Variants in MAPK8IP3 observed in about 807,000 individuals in gnomAD.
MAPK8IP3 encodes C-Jun-amino-terminal kinase-interacting protein 3.
In MAPK8IP3, 49 loss-of-function variants were observed where a neutral mutation model predicts 157.8. That is an observed-to-expected ratio of 0.31 (90% CI 0.25 to 0.39). The LOEUF (loss-of-function observed/expected upper bound fraction) is 0.39. Among genes scored for constraint, MAPK8IP3 ranks in the 10% least tolerant of loss-of-function variants. The pLI, the probability that MAPK8IP3 is intolerant of heterozygous loss-of-function variation, is 1.00. For synonymous variants in MAPK8IP3, 897 were observed against 777.7 expected, an observed-to-expected ratio of 1.15 and a Z score of -2.55; for missense variants, 1,478 against 1,889.4, an observed-to-expected ratio of 0.78 and a Z score of 4.04.
intron 13 of MAPK8IP3, 70 bp from the exon 14 acceptor site, chr16:1,762,281 A>G (rs2041997537): frequency 3.4e-6 from 5 of 1,492,514 alleles, no homozygotes; most frequent in Non-Finnish European, 4.5e-6. Flanking sequence ...ACGTGTAGGC[A>G]CCCCAGGAGG....
At chr16:1,717,961 C>T (rs931849306) in intron 1 of MAPK8IP3, among the ~76,000 whole-genome samples, 1 of 152,040 alleles carries the variant, frequency 6.6e-6, no homozygotes. Flanking sequence ...CTGCCATTCT[C>T]CTGCCTCAGC....
chr16:1,712,663 C>G (rs991825450), intron 1 of MAPK8IP3, among the ~76,000 whole-genome samples: 1 of 152,206 alleles, frequency 6.6e-6, no homozygotes, highest in Non-Finnish European at 1.5e-5. Context: ...GGTGGCCCCC[C>G]ACTGGGCCCA....
chr16:1,706,716 C>A lies in MAPK8IP3; in HGVS notation c.318+59C>A. On this transcript the variant is annotated intron_variant, in intron 1 of 31. Coordinates refer to ENST00000610761, the MANE Select transcript of MAPK8IP3 (RefSeq NM_001318852.2). The surrounding 1 kb of genome is among the most constrained non-coding windows in gnomAD (Gnocchi z 5.1). ...TCCCGGACCCCCAGCCAGCCCCGGG[C>A]CCCGGACCCAACACCCGTCCCGACC... is the stretch of plus-strand genomic sequence containing the variant. 1 of 1,468,398 alleles carries A rather than the reference C, an allele frequency of 6.8e-7. No individual in the cohort carries two copies. Among genetic ancestry groups the A allele is most frequent in the Non-Finnish European group, 9.0e-7 (1 of 1,107,864 alleles). 91.0% of individuals were successfully genotyped at this position (1,468,398 alleles called of 1,614,324 possible).
In MAPK8IP3 at chr16:1,720,998, A is replaced by T. The variant is rs185989587; in HGVS notation, c.319-3559A>T. ...GCAGTGAGCTGAGTCATGTCATTGC[A>T]CTCCAACCTAGGCAACAAGAGCAAA... On this transcript the variant is annotated intron_variant, in intron 1 of 31. Coordinates refer to ENST00000610761, the MANE Select transcript of MAPK8IP3 (RefSeq NM_001318852.2). 3.5e-5 allele frequency among the ~76,000 whole-genome samples: 5 copies of T among 144,294 alleles called. No individual in the cohort carries two copies. The East Asian group carries it at 8.2e-4, about 24-fold the overall frequency. 94.7% of individuals were successfully genotyped at this position (144,294 alleles called of 152,430 possible).
At chr16:1,715,625 C>T (rs914010799) in intron 1 of MAPK8IP3, among the ~76,000 whole-genome samples, 3 of 152,130 alleles carry the variant, frequency 2.0e-5, no homozygotes, top group Non-Finnish European at 1.5e-5. Flanking sequence ...TGCACAAGAA[C>T]GAGATCTTTG....
chr16:1,738,045 AC>A (rs1173661277), intron 4 of MAPK8IP3, among the ~76,000 whole-genome samples: 1 of 70,784 alleles, frequency 1.4e-5, no homozygotes, highest in Non-Finnish European at 2.6e-5. Flanking sequence ...TGAGCGTGTG[AC>A]CGTCCGTGTG....
At chr16:1,713,100 G>A (rs1194376094) in intron 1 of MAPK8IP3, among the ~76,000 whole-genome samples, 1 of 152,224 alleles carries the variant, frequency 6.6e-6, no homozygotes, top group Non-Finnish European at 1.5e-5. Flanking sequence ...GAAGGTCAAG[G>A]ACTGTCTCTT....
intron 6 of MAPK8IP3, 97 bp downstream of exon 6, chr16:1,747,372 G>T: frequency 1.3e-6 from 2 of 1,501,258 alleles, no homozygotes; most frequent in Non-Finnish European, 1.8e-6. Flanking sequence ...GGCAGTGCAG[G>T]CAGCAGAGAC....
chr16:1,706,290 C>G lies in MAPK8IP3; in HGVS notation c.-50C>G, dbSNP rs2037380002. 6.7e-7 allele frequency: 1 copy of G among 1,481,564 alleles called. No homozygotes were observed. The highest frequency in any genetic ancestry group is 9.0e-7 in the Non-Finnish European group (1 of 1,115,854). The allele number at this position is 1,481,564 out of a possible 1,614,324, so 91.8% of individuals were successfully genotyped here. ...GGAACCTGAGGCAGCTGGGGAGGGC[C>G]GGGCGCGCCGGCCGGATAGCGAGCC... On this transcript the variant is annotated 5_prime_UTR_variant, in exon 1 of 32. Transcript: ENST00000610761. The surrounding 1 kb of genome is among the most constrained non-coding windows in gnomAD (Gnocchi z 5.1).
At chr16:1,714,367 G>C (rs2142286620) in intron 1 of MAPK8IP3, among the ~76,000 whole-genome samples, 1 of 152,332 alleles carries the variant, frequency 6.6e-6, no homozygotes, top group Admixed American at 6.5e-5. Flanking sequence ...GACCCTTAGA[G>C]CCCACAGCAT....
rs1329237761 is a variant in MAPK8IP3 at position 1,738,115 on chromosome 16, CGT to C, written c.603-5213_603-5212del. 1.5e-4 allele frequency among the ~76,000 whole-genome samples: 11 copies of C among 71,330 alleles called. 1 individual carries two copies. The highest frequency in any genetic ancestry group is 5.7e-4 in the African/African-American group (8 of 14,078). 46.8% of individuals were successfully genotyped at this position (71,330 alleles called of 152,430 possible). ...CCATGTGAGCATCCATGTGACCGTC[CGT>C]GTGAGCGTGACTGTCCGTGTGTGTG... On this transcript the variant is annotated intron_variant, in intron 4 of 31. Coordinates refer to ENST00000610761, the MANE Select transcript of MAPK8IP3 (RefSeq NM_001318852.2).
chr16:1,747,684 C>T (rs545274474), intron 6 of MAPK8IP3, among the ~76,000 whole-genome samples: 19 of 152,338 alleles, frequency 1.2e-4, no homozygotes, highest in African/African-American at 4.6e-4. Flanking sequence ...AGGCAGTAGC[C>T]TGCGTCACCC....
At chr16:1,752,872 C>T (rs1035508789) in intron 8 of MAPK8IP3, among the ~76,000 whole-genome samples, 16 of 152,154 alleles carry the variant, frequency 1.1e-4, no homozygotes, top group Admixed American at 3.3e-4. Context: ...TGCTCTCTGG[C>T]AACCAGGATG....
chr16:1,740,931 G>A (rs746735774), intron 4 of MAPK8IP3, among the ~76,000 whole-genome samples: 2 of 152,216 alleles, frequency 1.3e-5, no homozygotes, highest in African/African-American at 2.4e-5. Context: ...ATGCAGCTGG[G>A]CAGCGCCGTC....
chr16:1,725,148 G>GTTT (rs1457145244), intron 2 of MAPK8IP3, among the ~76,000 whole-genome samples: 6 of 123,160 alleles, frequency 4.9e-5, no homozygotes, highest in South Asian at 5.3e-4. Context: ...AGCAGAAAGG[G>GTTT]TTTATTATTA....
In MAPK8IP3 at chr16:1,733,122, C is replaced by T. The variant is rs545876412; in HGVS notation, c.602+3544C>T. ...TGTTGTTTTTCAGGGGAGCTGGGGG[C>T]AGAGGCAGGCAGTTTGGCCATCCCC... On this transcript the variant is annotated intron_variant, in intron 4 of 31. Coordinates refer to ENST00000610761, the MANE Select transcript of MAPK8IP3 (RefSeq NM_001318852.2). Among the ~76,000 whole-genome samples the T allele has an allele frequency of 4.6e-5, 7 of 152,278 alleles. No homozygotes were observed. The South Asian group carries it at 1.4e-3, about 32-fold the overall frequency.
chr16:1,750,858 C>T (rs2041248317), intron 8 of MAPK8IP3, among the ~76,000 whole-genome samples: 1 of 152,024 alleles, frequency 6.6e-6, no homozygotes, highest in African/African-American at 2.4e-5. Flanking sequence ...GTTGGTCAGG[C>T]TGGTTTTGAT....
intron 4 of MAPK8IP3, among the ~76,000 whole-genome samples, chr16:1,736,582 GCGTGTGACCATCCATGTGAGCATC>G: frequency 3.8e-5 from 3 of 79,386 alleles, no homozygotes; most frequent in Non-Finnish European, 7.6e-5. Context: ...GTCCGTGTGA[GCGTGTGACCATCCATGTGAGCATC>G]CGTGTGACCG....
In MAPK8IP3 at chr16:1,760,229, T is replaced by A. The variant is rs1341026760; in HGVS notation, c.1305-151T>A. On this transcript the variant is annotated intron_variant, in intron 11 of 31. Coordinates refer to ENST00000610761, the MANE Select transcript of MAPK8IP3 (RefSeq NM_001318852.2). ...CCTCTAACAAGGGTGCTATAGGGTT[T>A]AGCTAAGATGGGGATGGGGTCTCCC... is the stretch of plus-strand genomic sequence containing the variant. 4 of 1,077,932 alleles carry A rather than the reference T, an allele frequency of 3.7e-6. No homozygotes were observed. The African/African-American group carries it at 6.3e-5, about 17-fold the overall frequency. 66.8% of individuals were successfully genotyped at this position (1,077,932 alleles called of 1,614,324 possible). A position where few individuals can be genotyped will look rare whatever the true frequency, so the allele number is the denominator to read the frequency against.
Sources: allele counts gnomAD v4.1 joint callset (sites outside exome capture counted in the v4.1 genomes callset), GRCh38; gene constraint gnomAD v4.1.1; non-coding constraint Gnocchi (gnomAD v3.1); transcripts MANE v1.5; gene names NCBI Gene and HGNC (gene_info 2026-07-23, HGNC 2026-07-21).